PLXNA4: variants seen among roughly 807,000 people sequenced by gnomAD.
The protein encoded by PLXNA4 is plexin A4, also known as plexin-A4.
PLXNA4 carries 44 observed loss-of-function variants against 191.8 expected under a neutral mutation model. The ratio of observed to expected loss-of-function variants is 0.23; its 90% CI spans 0.18 to 0.29. PLXNA4 has a LOEUF of 0.29. Ranked by LOEUF, PLXNA4 falls within the 10% of genes least tolerant of loss-of-function variation. The pLI, the probability that PLXNA4 is intolerant of heterozygous loss-of-function variation, is 1.00. For synonymous variants in PLXNA4, 1,082 were observed against 1,009.5 expected (o/e 1.07, Z -1.36); for missense variants, 1,800 against 2,488.8 (o/e 0.72, Z 5.89).
intron 2 of PLXNA4, among the ~76,000 whole-genome samples, chr7:132,583,050 C>T (rs867962031): frequency 2.0e-5 from 3 of 152,212 alleles, no homozygotes; most frequent in Admixed American, 6.5e-5. Flanking sequence ...AAACAGAATA[C>T]TGAAATCCAG....
chr7:132,598,315 T>C (rs551575917), intron 2 of PLXNA4, among the ~76,000 whole-genome samples: 1 of 152,132 alleles, frequency 6.6e-6, no homozygotes, highest in Non-Finnish European at 1.5e-5. Context: ...TTCATTATGT[T>C]GGCCAGGCTG....
At chr7:132,310,425 A>G (rs542812565) in intron 3 of PLXNA4, among the ~76,000 whole-genome samples, 90 of 152,370 alleles carry the variant, frequency 5.9e-4, no homozygotes, top group Non-Finnish European at 1.2e-3. Flanking sequence ...CCAGTTGCTT[A>G]ATAGATGTGT....
intron 3 of PLXNA4, among the ~76,000 whole-genome samples, chr7:132,383,261 G>T (rs1412552646): frequency 6.6e-6 from 1 of 152,100 alleles, no homozygotes; most frequent in African/African-American, 2.4e-5. Context: ...GAGTTAATTA[G>T]CTGGCTGGCT....
intron 3 of PLXNA4, among the ~76,000 whole-genome samples, chr7:132,415,337 C>T (rs568159107): frequency 1.3e-5 from 2 of 152,112 alleles, no homozygotes; most frequent in South Asian, 2.1e-4. Flanking sequence ...CTTTATAAGA[C>T]GTGTGTGTGT....
intron 2 of PLXNA4, among the ~76,000 whole-genome samples, chr7:132,501,108 G>C (rs1238816383): frequency 2.6e-5 from 4 of 152,214 alleles, no homozygotes; most frequent in African/African-American, 7.2e-5. Flanking sequence ...GTGTGTGTGA[G>C]AGAGAGAAAT....
chr7:132,130,217 A>C lies in PLXNA4; in HGVS notation c.*262T>G. 1 of 444,994 alleles carries C rather than the reference A, an allele frequency of 2.2e-6. No individual in the cohort carries two copies. Among genetic ancestry groups the C allele is most frequent in the Non-Finnish European group, 4.1e-6 (1 of 243,878 alleles). The allele number at this position is 444,994 out of a possible 1,614,324, so 27.6% of individuals were successfully genotyped here. ...GAGGCCTCTCTGACATCTTCTGGTC[A>C]GCTCCCTTGCCATGGGCCTGGCCAT... On this transcript the variant is annotated 3_prime_UTR_variant, in exon 32 of 32. Coordinates refer to ENST00000321063, the MANE Select transcript of PLXNA4 (RefSeq NM_020911.2).
intron 3 of PLXNA4, among the ~76,000 whole-genome samples, chr7:132,405,264 T>C (rs1027242722): frequency 1.3e-5 from 2 of 152,176 alleles, no homozygotes; most frequent in East Asian, 3.9e-4. Flanking sequence ...GGGTTTGAAA[T>C]GGGCTACCGC....
At position 132,503,095 on chromosome 7, in the gene PLXNA4, T is replaced by C. The variant is rs572842380; in HGVS notation, c.1188+4411A>G. Among the ~76,000 whole-genome samples, 12 of 152,308 alleles carry C rather than the reference T, an allele frequency of 7.9e-5. No homozygotes were observed. In the East Asian group the frequency reaches 2.3e-3, roughly 29 times the overall value. ...CGAGACTATCTGACTCCCATACCCATGGCTCAATCAGTTCCAAAGTCAGGG... is the reference window on the plus strand; with the variant it reads ...CGAGACTATCTGACTCCCATACCCACGGCTCAATCAGTTCCAAAGTCAGGG... On this transcript the variant is annotated intron_variant, in intron 2 of 31. Transcript: ENST00000321063.
At chr7:132,443,020 C>T (rs1795752368) in intron 3 of PLXNA4, among the ~76,000 whole-genome samples, 2 of 152,196 alleles carry the variant, frequency 1.3e-5, no homozygotes, top group Admixed American at 1.3e-4. Context: ...CTGAACACCC[C>T]TCCTGCTGGT....
chr7:132,272,377 T>C lies in PLXNA4; in HGVS notation c.1503+25714A>G, dbSNP rs566329198. Among the ~76,000 whole-genome samples, 157 of 152,302 alleles carry C rather than the reference T, an allele frequency of 1.0e-3. 1 individual carries two copies. Among genetic ancestry groups the C allele is most frequent in the African/African-American group, 3.6e-3 (151 of 41,572 alleles). On this transcript the variant is annotated intron_variant, in intron 4 of 31. Coordinates refer to ENST00000321063, the MANE Select transcript of PLXNA4 (RefSeq NM_020911.2). ...GTAAAATGGAAACAAAAACAACTAATTTTTTTAAGCACTGCTGTGAAGATT... is the reference window on the plus strand; with the variant it reads ...GTAAAATGGAAACAAAAACAACTAACTTTTTTAAGCACTGCTGTGAAGATT...
At chr7:132,303,509 C>T (rs952168433) in intron 3 of PLXNA4, among the ~76,000 whole-genome samples, 1 of 152,108 alleles carries the variant, frequency 6.6e-6, no homozygotes, top group African/African-American at 2.4e-5. Context: ...GCGGAGGTTG[C>T]AGTCAGCCAA....
At chr7:132,485,326 G>T (rs1797512501) in intron 3 of PLXNA4, among the ~76,000 whole-genome samples, 1 of 152,190 alleles carries the variant, frequency 6.6e-6, no homozygotes, top group Non-Finnish European at 1.5e-5. Context: ...ATCCAGGGAA[G>T]ACGCAATCAC....
chr7:132,437,424 G>A (rs553927381), intron 3 of PLXNA4, among the ~76,000 whole-genome samples: 10 of 152,162 alleles, frequency 6.6e-5, no homozygotes, highest in South Asian at 2.1e-4. Context: ...ATGCAAGCAC[G>A]TGCACAGACA....
chr7:132,443,629 G>A (rs1480080011), intron 3 of PLXNA4, among the ~76,000 whole-genome samples: 1 of 152,124 alleles, frequency 6.6e-6, no homozygotes. Context: ...TGTTCCCCTG[G>A]ATTGCCCTGG....
rs779265056 is a variant in PLXNA4 at position 132,132,977 on chromosome 7, G to C, written c.5589+72C>G. 1.9e-6 allele frequency: 3 copies of C among 1,558,872 alleles called. No homozygotes were observed. In the Admixed American group the frequency reaches 5.4e-5, roughly 28 times the overall value. The stretch of plus-strand genomic sequence containing the variant: ...TGTCTGTGGCGATGATCTCTTATAC[G>C]GAGGCATGCAGGGTTGTCTTCATTC... On this transcript the variant is annotated intron_variant, in intron 31 of 31. Coordinates refer to ENST00000321063, the MANE Select transcript of PLXNA4 (RefSeq NM_020911.2).
intron 3 of PLXNA4, among the ~76,000 whole-genome samples, chr7:132,453,004 T>C (rs1029987892): frequency 1.5e-4 from 23 of 152,066 alleles, no homozygotes; most frequent in Admixed American, 7.2e-4. Flanking sequence ...CTCCTCCTAA[T>C]TGGGGTCACT....
chr7:132,179,672 G>A lies in PLXNA4; in HGVS notation c.3874+15C>T, dbSNP rs563321677. The A allele has an allele frequency of 2.5e-6, 4 of 1,605,182 alleles. No homozygotes were observed. The highest frequency in any genetic ancestry group is 3.4e-6 in the Non-Finnish European group (4 of 1,172,548). On this transcript the variant is annotated intron_variant, in intron 20 of 31. Coordinates refer to ENST00000321063, the MANE Select transcript of PLXNA4 (RefSeq NM_020911.2). ...CGCACACACACATGGCCTCCAGCAT[G>A]GGGCCACTCAGTACCTTCCTTGCAC...
intron 3 of PLXNA4, among the ~76,000 whole-genome samples, chr7:132,483,795 T>G (rs1322131722): frequency 2.0e-5 from 3 of 152,254 alleles, no homozygotes; most frequent in African/African-American, 7.2e-5. Flanking sequence ...CAATGATCAC[T>G]TGGAAAACAG....
chr7:132,313,343 T>G (rs771799327), intron 3 of PLXNA4, among the ~76,000 whole-genome samples: 1 of 152,208 alleles, frequency 6.6e-6, no homozygotes, highest in Non-Finnish European at 1.5e-5. Context: ...TACAGGAAGT[T>G]GCATGTGCCT....
Sources: allele counts gnomAD v4.1 joint callset (sites outside exome capture counted in the v4.1 genomes callset), GRCh38; gene constraint gnomAD v4.1.1; transcripts MANE v1.5; gene names NCBI Gene and HGNC (gene_info 2026-07-23, HGNC 2026-07-21).